Variants in ERBB4 observed in about 807,000 individuals in gnomAD.
ERBB4 encodes erb-b2 receptor tyrosine kinase 4, also known as receptor tyrosine-protein kinase erbB-4.
A neutral mutation model predicts 158.0 loss-of-function variants in ERBB4; 42 were observed. The observed-to-expected ratio is 0.27, with a 90% CI of 0.21 to 0.34. ERBB4 has a LOEUF of 0.34. ERBB4 is among the 10% of genes least tolerant of loss of function. The probability of loss-of-function intolerance (pLI) is 1.00; values close to 1 mark genes in which losing one functional copy is unlikely to be tolerated. For synonymous variants in ERBB4, 583 were observed against 558.7 expected, an observed-to-expected ratio of 1.04 and a Z score of -0.61; for missense variants, 1,333 against 1,624.1, an observed-to-expected ratio of 0.82 and a Z score of 3.08.
intron 19 of ERBB4, among the ~76,000 whole-genome samples, chr2:211,579,944 C>G (rs1022488304): frequency 1.3e-5 from 2 of 152,054 alleles, no homozygotes; most frequent in Non-Finnish European, 2.9e-5. Context: ...GCACATGTAG[C>G]CCAGAACTTA....
At chr2:211,804,948 GTTGCTCTGTCACC>G (rs973417987) in intron 3 of ERBB4, among the ~76,000 whole-genome samples, 3 of 142,724 alleles carry the variant, frequency 2.1e-5, no homozygotes, top group African/African-American at 7.7e-5. Context: ...GAGATGGTGT[GTTGCTCTGTCACC>G]CAGGCTGGAG....
intron 18 of ERBB4, among the ~76,000 whole-genome samples, chr2:211,620,546 G>T (rs1428733968): frequency 6.6e-6 from 1 of 152,136 alleles, no homozygotes; most frequent in African/African-American, 2.4e-5. Flanking sequence ...TTTAGAAAGT[G>T]AATTTATGGT....
At chr2:212,369,705 A>G (rs1208323197) in intron 1 of ERBB4, among the ~76,000 whole-genome samples, 1 of 151,540 alleles carries the variant, frequency 6.6e-6, no homozygotes. Context: ...ACCTTTTTTT[A>G]TTTTGTGGGA....
rs183732930 is a variant in ERBB4 at position 212,264,717 on chromosome 2, C to A, written c.83-139814G>T. Among the ~76,000 whole-genome samples, 11 of 152,020 alleles carry A rather than the reference C, an allele frequency of 7.2e-5. 1 individual carries two copies. Among genetic ancestry groups the A allele is most frequent in the Admixed American group, 2.6e-4 (4 of 15,232 alleles). ...GTTTCTCTCATATTTTATTTTATGT[C>A]TAAATCTGAGATCAGAAAAAAAGCA... On this transcript the variant is annotated intron_variant, in intron 1 of 27. Transcript: ENST00000342788.
intron 18 of ERBB4, 56 bp from the exon 19 acceptor site, chr2:211,619,331 A>T: frequency 1.0e-6 from 1 of 979,064 alleles, no homozygotes. Context: ...AAGTTCTTAC[A>T]AAGTAACTTA....
intron 3 of ERBB4, among the ~76,000 whole-genome samples, chr2:211,795,460 AT>A (rs2076364163): frequency 1.3e-5 from 2 of 151,930 alleles, no homozygotes; most frequent in Admixed American, 6.6e-5. Flanking sequence ...TCTTTTGAGT[AT>A]TCATACTAAC....
intron 1 of ERBB4, among the ~76,000 whole-genome samples, chr2:212,469,806 A>T (rs1219507178): frequency 6.6e-6 from 1 of 152,070 alleles, no homozygotes; most frequent in African/African-American, 2.4e-5. Flanking sequence ...TTTCCACAAC[A>T]ATTTCCAACA....
intron 2 of ERBB4, among the ~76,000 whole-genome samples, chr2:211,991,000 G>A (rs944381211): frequency 1.3e-5 from 2 of 151,616 alleles, no homozygotes; most frequent in Admixed American, 1.3e-4. Context: ...TTTTTAAATA[G>A]TTTTAAAAAA....
intron 7 of ERBB4, among the ~76,000 whole-genome samples, chr2:211,720,766 T>C (rs1296580101): frequency 6.6e-6 from 1 of 152,210 alleles, no homozygotes; most frequent in Non-Finnish European, 1.5e-5. Flanking sequence ...TTTCTTCAGG[T>C]CACACAAAGT....
chr2:211,895,591 C>A (rs115671565), intron 3 of ERBB4, among the ~76,000 whole-genome samples: 9 of 152,050 alleles, frequency 5.9e-5, no homozygotes, highest in African/African-American at 1.7e-4. Flanking sequence ...ATTGCTCCCC[C>A]TCTATGGACT....
At chr2:211,435,065 A>T (rs1260715266) in intron 20 of ERBB4, among the ~76,000 whole-genome samples, 1 of 152,240 alleles carries the variant, frequency 6.6e-6, no homozygotes, top group African/African-American at 2.4e-5. Flanking sequence ...AGATTCCTTC[A>T]AAATGAAATA....
rs192338796 is a variant in ERBB4, at chr2:211,592,934, C to T, written c.2301+26243G>A. ...GCTGAGGCAGGAGAATCGCTTGAAC[C>T]GGGAGGTGGAGGTTGCAGTGAGCCA... On this transcript the variant is annotated intron_variant, in intron 19 of 27. Transcript: ENST00000342788. 1.1e-3 allele frequency among the ~76,000 whole-genome samples: 167 copies of T among 151,034 alleles called. 1 individual carries two copies. Among genetic ancestry groups the T allele is most frequent in the Middle Eastern group, 3.4e-3 (1 of 292 alleles).
At chr2:212,413,918 T>C (rs755288165) in intron 1 of ERBB4, among the ~76,000 whole-genome samples, 1 of 152,176 alleles carries the variant, frequency 6.6e-6, no homozygotes, top group Non-Finnish European at 1.5e-5. Flanking sequence ...GTCATAGCTA[T>C]AGAAATCAGG....
At chr2:212,142,257 A>G (rs1423600273) in intron 1 of ERBB4, among the ~76,000 whole-genome samples, 1 of 152,114 alleles carries the variant, frequency 6.6e-6, no homozygotes, top group East Asian at 1.9e-4. Flanking sequence ...TGTAAGCCCT[A>G]TGAGGGCAGG....
At chr2:212,424,515 A>G (rs1033469593) in intron 1 of ERBB4, among the ~76,000 whole-genome samples, 13 of 152,160 alleles carry the variant, frequency 8.5e-5, no homozygotes, top group Non-Finnish European at 1.8e-4. Flanking sequence ...TTTCAAGGCT[A>G]TATAAAAAAG....
intron 2 of ERBB4, among the ~76,000 whole-genome samples, chr2:211,995,641 T>C (rs1042620617): frequency 3.3e-5 from 5 of 152,164 alleles, no homozygotes; most frequent in Non-Finnish European, 7.3e-5. Flanking sequence ...CTAATAATTA[T>C]TCAATGTGTC....
intron 19 of ERBB4, among the ~76,000 whole-genome samples, chr2:211,612,237 A>G (rs952887907): frequency 2.7e-5 from 1 of 37,492 alleles, no homozygotes; most frequent in South Asian, 1.2e-3. Flanking sequence ...AAAACATGGA[A>G]AAAAAAATCA....
intron 1 of ERBB4, among the ~76,000 whole-genome samples, chr2:212,147,157 ATTTTTTTTT>A (rs71397161): frequency 7.9e-4 from 27 of 34,258 alleles, no homozygotes; most frequent in African/African-American, 3.4e-3. Flanking sequence ...TGCCCAGCTA[ATTTTTTTTT>A]TTTTTTTTTT....
intron 19 of ERBB4, among the ~76,000 whole-genome samples, chr2:211,565,528 G>A (rs939810719): frequency 1.3e-5 from 2 of 152,154 alleles, no homozygotes; most frequent in Non-Finnish European, 2.9e-5. Flanking sequence ...AGGGACAGCA[G>A]GGTAGCTAGC....
Sources: allele counts gnomAD v4.1 joint callset (sites outside exome capture counted in the v4.1 genomes callset), GRCh38; gene constraint gnomAD v4.1.1; transcripts MANE v1.5; gene names NCBI Gene and HGNC (gene_info 2026-07-23, HGNC 2026-07-21).